Variants in NUDCD1 observed in about 807,000 individuals in gnomAD.
The protein encoded by NUDCD1 is nudC domain-containing protein 1.
NUDCD1 carries 60 observed loss-of-function variants against 67.8 expected under a neutral mutation model. The observed-to-expected ratio is 0.88, with a 90% confidence interval of 0.72 to 1.10. NUDCD1 has a LOEUF of 1.10. Among genes scored for constraint, NUDCD1 ranks in the 50% least tolerant of loss-of-function variants. NUDCD1 has a pLI of 0.00. For synonymous variants in NUDCD1, 244 were observed against 230.8 expected (o/e 1.06, Z -0.52); for missense variants, 643 against 695.0 (o/e 0.93, Z 0.84).
intron 1 of NUDCD1, among the ~76,000 whole-genome samples, chr8:109,325,068 A>T (rs751162885): frequency 4.6e-5 from 7 of 152,136 alleles, no homozygotes; most frequent in Non-Finnish European, 7.4e-5. Context: ...CCAGCCTGGG[A>T]CAGAGTGAGA....
At chr8:109,248,370 A>G (rs1813547593) in intron 8 of NUDCD1, among the ~76,000 whole-genome samples, 1 of 152,196 alleles carries the variant, frequency 6.6e-6, no homozygotes, top group Non-Finnish European at 1.5e-5. Context: ...CATACCACCC[A>G]TCTCACAACA....
At position 109,297,947 on chromosome 8, in the gene NUDCD1, G is replaced by C. The variant is rs149116930; in HGVS notation, c.274-1378C>G. Among the ~76,000 whole-genome samples the C allele has an allele frequency of 3.6e-3, 548 of 152,126 alleles. 3 individuals carry two copies. Among genetic ancestry groups the C allele is most frequent in the African/African-American group, 0.012 (515 of 41,512 alleles). On this transcript the variant is annotated intron_variant, in intron 2 of 9. Coordinates refer to ENST00000239690, the MANE Select transcript of NUDCD1 (RefSeq NM_032869.4). ...TTTCATTACTTTCTCCTAGAACTTA[G>C]ATCTATATATGCTATAATATTTAAG... is the stretch of plus-strand genomic sequence containing the variant.
intron 8 of NUDCD1, among the ~76,000 whole-genome samples, chr8:109,252,461 A>G (rs1474808178): frequency 6.6e-6 from 1 of 152,022 alleles, no homozygotes; most frequent in African/African-American, 2.4e-5. Context: ...TTAAAAAAAA[A>G]CAGTGCAGGC....
chr8:109,286,104 G>A (rs921203402), intron 5 of NUDCD1, among the ~76,000 whole-genome samples: 1 of 151,994 alleles, frequency 6.6e-6, no homozygotes, highest in Admixed American at 6.6e-5. Context: ...TAACAAGGAG[G>A]TGAAAGATCT....
At chr8:109,313,739 T>C (rs985000107) in intron 2 of NUDCD1, 4 of 486,988 alleles carry the variant, frequency 8.2e-6, no homozygotes, top group Non-Finnish European at 1.6e-5. Flanking sequence ...CTTGTTAAAT[T>C]ACTATTCTTC....
intron 1 of NUDCD1, among the ~76,000 whole-genome samples, chr8:109,333,315 G>T (rs1206943191): frequency 6.6e-6 from 1 of 152,208 alleles, no homozygotes; most frequent in African/African-American, 2.4e-5. Context: ...ACCAGCTACA[G>T]ATAAAGCAAG....
intron 2 of NUDCD1, among the ~76,000 whole-genome samples, chr8:109,303,082 C>T (rs1453029908): frequency 6.6e-6 from 1 of 152,214 alleles, no homozygotes; most frequent in African/African-American, 2.4e-5. Context: ...GATCTTGCTT[C>T]AAGTGCTGGA....
intron 6 of NUDCD1, among the ~76,000 whole-genome samples, chr8:109,276,967 GAC>G (rs1296091084): frequency 6.6e-6 from 1 of 152,032 alleles, no homozygotes; most frequent in Admixed American, 6.6e-5. Context: ...CCAGCCCCCA[GAC>G]TGAGTTACAT....
At position 109,331,868 on chromosome 8, in the gene NUDCD1, G is replaced by A. The variant is rs145604370; in HGVS notation, c.118+2025C>T. Among the ~76,000 whole-genome samples, 17 of 152,248 alleles carry A rather than the reference G, an allele frequency of 1.1e-4. No individual in the cohort carries two copies. The East Asian group carries it at 1.7e-3, about 16-fold the overall frequency. On this transcript the variant is annotated intron_variant, in intron 1 of 9. Transcript: ENST00000239690. ...AATGTCAGGGAAACACTGAATGACC[G>A]GAAATCCAAGAAATCCAAAAGGCAA...
At chr8:109,330,738 G>T (rs192834726) in intron 1 of NUDCD1, among the ~76,000 whole-genome samples, 1 of 152,090 alleles carries the variant, frequency 6.6e-6, no homozygotes, top group African/African-American at 2.4e-5. Context: ...TCCTTCAAAG[G>T]GACATGGAAG....
chr8:109,297,826 C>G (rs1814880029), intron 2 of NUDCD1, among the ~76,000 whole-genome samples: 1 of 152,178 alleles, frequency 6.6e-6, no homozygotes, highest in Non-Finnish European at 1.5e-5. Context: ...TAAACTTCCT[C>G]TCATATACCA....
intron 2 of NUDCD1, among the ~76,000 whole-genome samples, chr8:109,297,973 T>C (rs1563676486): frequency 6.6e-6 from 1 of 152,202 alleles, no homozygotes. Context: ...AATATTTAAG[T>C]AAACTGTATA....
At chr8:109,262,656 T>C (rs188771747) in intron 8 of NUDCD1, among the ~76,000 whole-genome samples, 20 of 152,274 alleles carry the variant, frequency 1.3e-4, no homozygotes, top group South Asian at 6.2e-4. Flanking sequence ...GGCTCAACTA[T>C]ATTGACCAAG....
chr8:109,272,352 T>C (rs1814178444), intron 7 of NUDCD1, among the ~76,000 whole-genome samples: 1 of 136,242 alleles, frequency 7.3e-6, no homozygotes, highest in African/African-American at 2.9e-5. Context: ...ATGTAACCTC[T>C]AGAACCACTA....
chr8:109,270,218 G>C (rs114513182), intron 8 of NUDCD1, among the ~76,000 whole-genome samples: 3,688 of 151,726 alleles, frequency 0.024, 140 homozygotes, highest in African/African-American at 0.084. Context: ...TAACTCACTT[G>C]ATATAGAAGC....
intron 8 of NUDCD1, among the ~76,000 whole-genome samples, chr8:109,250,264 C>T (rs1254214169): frequency 6.6e-6 from 1 of 152,150 alleles, no homozygotes; most frequent in African/African-American, 2.4e-5. Flanking sequence ...GTATTTCATA[C>T]AGCTAAATAA....
Position 109,327,406 on chromosome 8 carries a change from T to C in NUDCD1, c.119-4943A>G, listed in dbSNP as rs1004647821. ...TTCCCTCCCTTTACTCTAACTGTAG[T>C]GTAAATCTTCACCAGCTTTTCTTCC... On this transcript the variant is annotated intron_variant, in intron 1 of 9. Transcript: ENST00000239690. Among the ~76,000 whole-genome samples the C allele has an allele frequency of 2.6e-5, 4 of 152,162 alleles. No individual in the cohort carries two copies. In the East Asian group the frequency reaches 7.7e-4, roughly 29 times the overall value.
intron 8 of NUDCD1, among the ~76,000 whole-genome samples, chr8:109,250,455 C>T (rs1004295338): frequency 6.6e-6 from 1 of 152,136 alleles, no homozygotes; most frequent in Non-Finnish European, 1.5e-5. Context: ...ATTAGAATCT[C>T]TTGATAGCTG....
At chr8:109,267,326 T>A (rs1408567802) in intron 8 of NUDCD1, among the ~76,000 whole-genome samples, 9 of 152,108 alleles carry the variant, frequency 5.9e-5, no homozygotes. Flanking sequence ...TATTTGTGTG[T>A]CCATATGTAC....
Sources: gnomAD v4.1 joint callset for allele counts (sites outside exome capture counted in the v4.1 genomes callset) on GRCh38, gnomAD v4.1.1 for gene constraint, MANE v1.5 for transcripts, NCBI Gene and HGNC (gene_info 2026-07-23, HGNC 2026-07-21) for gene names.